PVT1: variants seen among roughly 807,000 people sequenced by gnomAD.
PVT1 encodes Pvt1 oncogene, also known as CXCR4/PVT1 fusion.
intron 2 of PVT1, among the ~76,000 whole-genome samples, chr8:127,885,269 C>T (rs1337728572): frequency 6.6e-6 from 1 of 152,096 alleles, no homozygotes; most frequent in Non-Finnish European, 1.5e-5. Context: ...AATGATAGAT[C>T]CGTCAAGCTC....
At chr8:127,984,524 G>T (rs1462296627) in intron 3 of PVT1, among the ~76,000 whole-genome samples, 1 of 152,200 alleles carries the variant, frequency 6.6e-6, no homozygotes, top group Non-Finnish European at 1.5e-5. Context: ...CACCCACTCT[G>T]AGCCAGAGGT....
chr8:128,017,770 T>G (rs1302685088), intron 4 of PVT1, among the ~76,000 whole-genome samples: 1 of 152,136 alleles, frequency 6.6e-6, no homozygotes, highest in Non-Finnish European at 1.5e-5. Context: ...TAATAGGACC[T>G]GGACACACAC....
intron 3 of PVT1, among the ~76,000 whole-genome samples, chr8:127,979,534 G>T (rs1415775805): frequency 6.6e-6 from 1 of 152,198 alleles, no homozygotes; most frequent in South Asian, 2.1e-4. Flanking sequence ...TGTTTATTAT[G>T]GGATTCCTTT....
At chr8:128,081,841 C>T (rs1348420204) in intron 5 of PVT1, among the ~76,000 whole-genome samples, 3 of 152,178 alleles carry the variant, frequency 2.0e-5, no homozygotes, top group Non-Finnish European at 4.4e-5. Context: ...GTAACAGAAC[C>T]AAGGCTAAAA....
chr8:127,906,610 G>T (rs1397227704), intron 3 of PVT1, among the ~76,000 whole-genome samples: 6 of 152,090 alleles, frequency 3.9e-5, no homozygotes, highest in Non-Finnish European at 7.3e-5. Context: ...AGAGGGGGAT[G>T]GGGGGTGGAC....
chr8:128,072,716 T>A (rs1482745940), intron 5 of PVT1, among the ~76,000 whole-genome samples: 1 of 152,254 alleles, frequency 6.6e-6, no homozygotes, highest in African/African-American at 2.4e-5. Context: ...GAAGGCTGGT[T>A]AACCACAGTG....
intron 3 of PVT1, among the ~76,000 whole-genome samples, chr8:127,934,580 T>C (rs11782761): frequency 0.36 from 54,323 of 152,084 alleles, 9,908 homozygotes; most frequent in East Asian, 0.53. Flanking sequence ...CAGGAAAGAG[T>C]GAATGGGTAC....
Position 127,821,271 on chromosome 8 carries a change from A to G in PVT1, n.372+25200A>G, listed in dbSNP as rs571359787. On this transcript the variant is annotated intron_variant and non_coding_transcript_variant, in intron 2 of 10. Coordinates refer to ENST00000651587, the Ensembl canonical transcript of PVT1. Reference sequence around the variant, plus strand: ...CTGTCCCATATGGTAGCCGCTAGCCACTAGCCGCATGTGGCTATTGAGCAG... The same window carrying G: ...CTGTCCCATATGGTAGCCGCTAGCCGCTAGCCGCATGTGGCTATTGAGCAG... 1.2e-3 allele frequency among the ~76,000 whole-genome samples: 185 copies of G among 152,318 alleles called. 1 individual carries two copies. The highest frequency in any genetic ancestry group is 0.01 in the Middle Eastern group (3 of 294).
intron 4 of PVT1, chr8:128,048,558 G>A (rs2720659): frequency 0.41 from 62,019 of 152,060 alleles, 13,047 homozygotes; most frequent in East Asian, 0.6. Context: ...TGATTAAGTG[G>A]ATGTATGAGC....
chr8:127,939,792 AG>A (rs1380455868), intron 3 of PVT1: 2 of 152,246 alleles, frequency 1.3e-5, no homozygotes, highest in Non-Finnish European at 2.9e-5. Flanking sequence ...ATATCTTTAG[AG>A]GCCTGACCAA....
intron 3 of PVT1, among the ~76,000 whole-genome samples, chr8:127,988,659 G>A (rs550570020): frequency 9.8e-4 from 150 of 152,350 alleles, no homozygotes; most frequent in African/African-American, 3.4e-3. Context: ...GTTGGGCTCA[G>A]ATAAAACTTA....
chr8:127,893,174 A>G (rs1815632658), intron 3 of PVT1, among the ~76,000 whole-genome samples: 2 of 152,220 alleles, frequency 1.3e-5, no homozygotes, highest in African/African-American at 4.8e-5. Flanking sequence ...CATGCTGTCT[A>G]CAGGGCACAT....
At chr8:128,055,298 C>T (rs950735854) in intron 4 of PVT1, among the ~76,000 whole-genome samples, 11 of 152,254 alleles carry the variant, frequency 7.2e-5, no homozygotes, top group African/African-American at 2.6e-4. Flanking sequence ...TCATAATATG[C>T]AGACTTTAGA....
chr8:127,957,869 C>T (rs904655240), intron 3 of PVT1, among the ~76,000 whole-genome samples: 4 of 152,244 alleles, frequency 2.6e-5, no homozygotes, highest in African/African-American at 9.6e-5. Context: ...TTTCCAGCTT[C>T]CCTGCCGTGC....
chr8:128,038,020 C>T (rs1586492199), intron 4 of PVT1, among the ~76,000 whole-genome samples: 2 of 152,166 alleles, frequency 1.3e-5, no homozygotes, highest in East Asian at 3.8e-4. Context: ...AGTGGGAGTT[C>T]CTGATCTGGG....
intron 3 of PVT1, among the ~76,000 whole-genome samples, chr8:127,953,052 C>A (rs925856776): frequency 2.6e-5 from 4 of 152,264 alleles, no homozygotes; most frequent in Non-Finnish European, 2.9e-5. Flanking sequence ...GCGTGAGCCA[C>A]CGCGTCCGGC....
At chr8:128,096,527 A>G (rs1481297096) in exon 6 of PVT1, 1 of 152,054 alleles carries the variant, frequency 6.6e-6, no homozygotes, top group East Asian at 1.9e-4. Flanking sequence ...GAAGGACAGA[A>G]TAACGGGCTC....
intron 2 of PVT1, among the ~76,000 whole-genome samples, chr8:127,864,714 T>A (rs13271900): frequency 0.37 from 56,376 of 151,452 alleles, 12,967 homozygotes; most frequent in African/African-American, 0.65. Context: ...CGCCCGGCTA[T>A]TTTTTTTGTA....
chr8:127,828,921 G>A (rs1465275013), intron 2 of PVT1, among the ~76,000 whole-genome samples: 1 of 152,048 alleles, frequency 6.6e-6, no homozygotes, highest in Admixed American at 6.6e-5. Context: ...TTGTTCAGAG[G>A]TAAACTTGTT....
Sources: gnomAD v4.1 joint callset for allele counts (sites outside exome capture counted in the v4.1 genomes callset) on GRCh38, gnomAD v4.1.1 for gene constraint, MANE v1.5 for transcripts, NCBI Gene and HGNC (gene_info 2026-07-23, HGNC 2026-07-21) for gene names.